Variants in CSTPP1 observed in about 807,000 individuals in gnomAD.
The protein encoded by CSTPP1 is centriolar satellite-associated tubulin polyglutamylase complex regulator 1.
chr11:46,952,406 G>A, the CSTPP1 span, among the ~76,000 whole-genome samples: 2 of 152,356 alleles, frequency 1.3e-5, no homozygotes, highest in East Asian at 3.9e-4. Context: ...TGCCAACGAG[G>A]CAGGGAATTT....
chr11:46,966,773 T>G, the CSTPP1 span, among the ~76,000 whole-genome samples: 1 of 152,230 alleles, frequency 6.6e-6, no homozygotes, highest in East Asian at 1.9e-4. Context: ...GGGGTAAGAT[T>G]TAATGAAATT....
chr11:46,950,229 A>G, the CSTPP1 span, among the ~76,000 whole-genome samples: 2,241 of 147,254 alleles, frequency 0.015, 59 homozygotes, highest in African/African-American at 0.054. Flanking sequence ...GCTGGAGTGC[A>G]GTGGCGTGAT....
the CSTPP1 span, chr11:46,936,948 T>A: frequency 1.4e-6 from 1 of 704,418 alleles, no homozygotes; most frequent in African/African-American, 2.1e-5. Context: ...TGGGATCGGG[T>A]CCGGGTGGTA....
chr11:47,045,431 G>A, the CSTPP1 span, among the ~76,000 whole-genome samples: 1 of 152,254 alleles, frequency 6.6e-6, no homozygotes, highest in East Asian at 1.9e-4. Context: ...TTTGGTCTTT[G>A]TTTATCCCAC....
the CSTPP1 span, among the ~76,000 whole-genome samples, chr11:47,039,122 A>G: frequency 1.6e-5 from 2 of 126,412 alleles, no homozygotes; most frequent in South Asian, 2.5e-4. Context: ...AGAGGCTGCA[A>G]TCTCGGCACT....
At chr11:46,999,455 T>G in the CSTPP1 span, among the ~76,000 whole-genome samples, 3 of 152,188 alleles carry the variant, frequency 2.0e-5, no homozygotes, top group African/African-American at 4.8e-5. Flanking sequence ...TCCACTGTTC[T>G]CTACTGCCTC....
chr11:47,021,919 G>A, the CSTPP1 span, among the ~76,000 whole-genome samples: 1 of 152,122 alleles, frequency 6.6e-6, no homozygotes, highest in Non-Finnish European at 1.5e-5. Context: ...GACATCTTCT[G>A]AGAGTTGTGG....
the CSTPP1 span, among the ~76,000 whole-genome samples, chr11:46,955,739 C>G: frequency 6.6e-6 from 1 of 152,052 alleles, no homozygotes; most frequent in East Asian, 1.9e-4. Context: ...TGCCTGCAAT[C>G]CTAGTACCCT....
the CSTPP1 span, among the ~76,000 whole-genome samples, chr11:47,085,985 G>A: frequency 5.1e-3 from 769 of 151,620 alleles, 13 homozygotes; most frequent in African/African-American, 0.017. Flanking sequence ...GGGGGTCGGG[G>A]ATGGATAGAA....
the CSTPP1 span, among the ~76,000 whole-genome samples, chr11:46,979,346 T>G: frequency 6.6e-6 from 1 of 152,240 alleles, no homozygotes; most frequent in Non-Finnish European, 1.5e-5. Flanking sequence ...TTACTACATG[T>G]TTAGCAATTT....
At chr11:47,088,821 C>G in the CSTPP1 span, among the ~76,000 whole-genome samples, 1 of 152,126 alleles carries the variant, frequency 6.6e-6, no homozygotes, top group South Asian at 2.1e-4. Flanking sequence ...GCTGAGATTA[C>G]AGATGTGAGC....
At chr11:46,961,450 G>A in the CSTPP1 span, among the ~76,000 whole-genome samples, 4 of 152,094 alleles carry the variant, frequency 2.6e-5, no homozygotes, top group African/African-American at 9.7e-5. Flanking sequence ...CTGTTGAATT[G>A]TAACAGTCTT....
chr11:47,001,778 T>A, the CSTPP1 span, among the ~76,000 whole-genome samples: 1 of 152,188 alleles, frequency 6.6e-6, no homozygotes, highest in African/African-American at 2.4e-5. Context: ...GGTGACAGAT[T>A]TTTTAAGGAT....
the CSTPP1 span, among the ~76,000 whole-genome samples, chr11:46,992,202 G>GT: frequency 6.6e-6 from 1 of 151,228 alleles, no homozygotes; most frequent in Non-Finnish European, 1.5e-5. Flanking sequence ...CTACTTTCTT[G>GT]TTTTTTCCTC....
chr11:46,972,834 A>C, the CSTPP1 span, among the ~76,000 whole-genome samples: 1 of 152,234 alleles, frequency 6.6e-6, no homozygotes, highest in East Asian at 1.9e-4. Flanking sequence ...TTTGTGGTCT[A>C]GTTTGCAATC....
At chr11:47,115,426 T>A in the CSTPP1 span, among the ~76,000 whole-genome samples, 1 of 152,102 alleles carries the variant, frequency 6.6e-6, no homozygotes, top group Non-Finnish European at 1.5e-5. Context: ...TCTTTGTACC[T>A]CTGGTAGAAT....
the CSTPP1 span, among the ~76,000 whole-genome samples, chr11:46,965,844 A>G: frequency 6.6e-6 from 1 of 152,238 alleles, no homozygotes; most frequent in Non-Finnish European, 1.5e-5. Context: ...CTAAAACTAC[A>G]TCAGTGAACT....
At chr11:46,988,729 G>A in the CSTPP1 span, among the ~76,000 whole-genome samples, 1 of 152,260 alleles carries the variant, frequency 6.6e-6, no homozygotes, top group Middle Eastern at 3.4e-3. Flanking sequence ...CATTTAGATT[G>A]TTTGTAACAC....
At chr11:47,083,241 A>C in the CSTPP1 span, among the ~76,000 whole-genome samples, 2 of 152,202 alleles carry the variant, frequency 1.3e-5, no homozygotes, top group African/African-American at 4.8e-5. Context: ...TGCATCACTT[A>C]CAGTTTTCAA....
Sources: gnomAD v4.1 joint callset for allele counts (sites outside exome capture counted in the v4.1 genomes callset) on GRCh38, gnomAD v4.1.1 for gene constraint, MANE v1.5 for transcripts, NCBI Gene and HGNC (gene_info 2026-07-23, HGNC 2026-07-21) for gene names.